The following EYS variants were observed in gnomAD, a reference collection of about 807,000 sequenced individuals.
The protein encoded by EYS is EGF-like photoreceptor maintenance factor.
In EYS, 250 loss-of-function variants were observed where a neutral mutation model predicts 282.1. That is an observed-to-expected ratio of 0.89 (90% CI 0.80 to 0.98). The LOEUF is 0.98. EYS is among the 50% of genes least tolerant of loss of function. The pLI, the probability that EYS is intolerant of heterozygous loss-of-function variation, is 0.00. For missense variants in EYS, 4,016 were observed against 3,709.0 expected (o/e 1.08, Z -2.15); for synonymous variants, 1,355 against 1,282.9 (o/e 1.06, Z -1.20).
At chr6:64,400,839 A>G (rs1035697944) in intron 28 of EYS, among the ~76,000 whole-genome samples, 1 of 152,092 alleles carries the variant, frequency 6.6e-6, no homozygotes, top group African/African-American at 2.4e-5. Context: ...TGTTTGAACT[A>G]CCTTTAATTG....
At chr6:64,617,281 T>A in intron 24 of EYS, 137 bp downstream of exon 24, 1 of 627,080 alleles carries the variant, frequency 1.6e-6, no homozygotes, top group South Asian at 1.9e-5. Context: ...GAGAAAAGTG[T>A]AGCGTGCACA....
intron 29 of EYS, among the ~76,000 whole-genome samples, chr6:64,311,770 CAGG>C (rs1381688564): frequency 1.3e-5 from 2 of 152,076 alleles, no homozygotes; most frequent in African/African-American, 2.4e-5. Flanking sequence ...CACAAGTGGT[CAGG>C]AGATTTCCCT....
chr6:64,745,699 CT>C (rs1256536888), intron 22 of EYS, among the ~76,000 whole-genome samples: 1 of 152,074 alleles, frequency 6.6e-6, no homozygotes, highest in Non-Finnish European at 1.5e-5. Context: ...AATGGTACCC[CT>C]ATGTCCAAAA....
At chr6:65,528,787 C>T (rs1767661491) in intron 2 of EYS, among the ~76,000 whole-genome samples, 2 of 152,190 alleles carry the variant, frequency 1.3e-5, no homozygotes, top group Admixed American at 1.3e-4. Context: ...AGAGAAGTCA[C>T]TCATTATTCC....
At chr6:65,648,506 G>A (rs966683809) in intron 1 of EYS, among the ~76,000 whole-genome samples, 1 of 152,132 alleles carries the variant, frequency 6.6e-6, no homozygotes, top group African/African-American at 2.4e-5. Context: ...ACAGAGCTAT[G>A]AGGACACAAA....
intron 11 of EYS, among the ~76,000 whole-genome samples, chr6:65,298,217 ATT>A (rs1768719542): frequency 6.6e-6 from 1 of 152,074 alleles, no homozygotes; most frequent in Non-Finnish European, 1.5e-5. Flanking sequence ...CATTGAGAAT[ATT>A]TTTGAAAATT....
rs1769278427 is a variant in EYS at position 65,692,442 on chromosome 6, A to G, written c.-448+14693T>C. Among the ~76,000 whole-genome samples the G allele has an allele frequency of 2.7e-5, 4 of 150,286 alleles. No individual in the cohort carries two copies. In the South Asian group the frequency reaches 8.5e-4, roughly 32 times the overall value. ...AAAGAAGCAGAATATGAAAAAATTG[A>G]CATAATTCATAGAAAACACTAAATA... is the stretch of plus-strand genomic sequence containing the variant. On this transcript the variant is annotated intron_variant, in intron 1 of 42. Transcript: ENST00000503581.
At chr6:65,318,386 C>T (rs1213483511) in intron 11 of EYS, among the ~76,000 whole-genome samples, 4 of 151,008 alleles carry the variant, frequency 2.6e-5, no homozygotes, top group Non-Finnish European at 5.9e-5. Context: ...CTTACCATCA[C>T]TTCCACATCT....
intron 12 of EYS, among the ~76,000 whole-genome samples, chr6:65,070,508 A>G (rs535359194): frequency 1.2e-3 from 184 of 151,716 alleles, no homozygotes; most frequent in African/African-American, 4.3e-3. Flanking sequence ...TCTTACATCT[A>G]GAGTTTTGTA....
At chr6:64,022,125 C>T (rs1350722446) in intron 33 of EYS, among the ~76,000 whole-genome samples, 1 of 152,142 alleles carries the variant, frequency 6.6e-6, no homozygotes, top group East Asian at 1.9e-4. Flanking sequence ...CAAATAAGCA[C>T]ATTTGTGCTT....
chr6:64,498,683 C>T (rs949478646), intron 26 of EYS, among the ~76,000 whole-genome samples: 8 of 151,212 alleles, frequency 5.3e-5, no homozygotes, highest in Non-Finnish European at 8.8e-5. Context: ...TCCATGTGTT[C>T]TCATTGTTCA....
chr6:63,949,911 C>G (rs1022617246), intron 35 of EYS, among the ~76,000 whole-genome samples: 3 of 152,130 alleles, frequency 2.0e-5, no homozygotes, highest in Non-Finnish European at 2.9e-5. Context: ...CGGTGTCTCA[C>G]GCCTGTAATC....
chr6:63,933,365 C>T (rs1051606503), intron 35 of EYS, among the ~76,000 whole-genome samples: 7 of 152,232 alleles, frequency 4.6e-5, no homozygotes, highest in South Asian at 2.1e-4. Context: ...CACCATCACA[C>T]GCGGCTAATT....
intron 26 of EYS, among the ~76,000 whole-genome samples, chr6:64,545,602 G>T (rs559949714): frequency 1.2e-4 from 18 of 152,300 alleles, no homozygotes; most frequent in Admixed American, 5.9e-4. Context: ...CAGATGACAT[G>T]ACTGTATATC....
intron 26 of EYS, among the ~76,000 whole-genome samples, chr6:64,511,220 C>A (rs1184659351): frequency 7.9e-6 from 1 of 126,432 alleles, no homozygotes; most frequent in Non-Finnish European, 1.6e-5. Context: ...ACAACTCTCT[C>A]TCTACATATA....
chr6:64,289,426 G>A (rs1182958541), intron 30 of EYS, among the ~76,000 whole-genome samples: 2 of 151,996 alleles, frequency 1.3e-5, no homozygotes, highest in Non-Finnish European at 1.5e-5. Flanking sequence ...CATACTCAAT[G>A]GATACGATAT....
intron 30 of EYS, among the ~76,000 whole-genome samples, chr6:64,275,473 G>A (rs1296020186): frequency 4.4e-5 from 6 of 135,054 alleles, no homozygotes; most frequent in African/African-American, 8.5e-5. Flanking sequence ...TTCTTGAGAC[G>A]GAGTCTCGCT....
rs189442992 is a variant in EYS, at chr6:65,653,848, C to T, written c.-447-13956G>A. Among the ~76,000 whole-genome samples, 213 of 152,020 alleles carry T rather than the reference C, an allele frequency of 1.4e-3. 1 individual carries two copies. The highest frequency in any genetic ancestry group is 2.2e-3 in the Non-Finnish European group (148 of 67,870). On this transcript the variant is annotated intron_variant, in intron 1 of 42. Coordinates refer to ENST00000503581, the MANE Select transcript of EYS (RefSeq NM_001142800.2). ...ATTGGCAAAGTCCAAGTGTCCTCTA[C>T]ATCTCACATCCTTTGTGTCATCTAT...
chr6:64,133,931 G>C (rs984822322), intron 31 of EYS, among the ~76,000 whole-genome samples: 1 of 151,704 alleles, frequency 6.6e-6, no homozygotes, highest in African/African-American at 2.4e-5. Flanking sequence ...ATATACGAAT[G>C]CTAAGGGAAG....
Sources: gnomAD v4.1 joint callset for allele counts (sites outside exome capture counted in the v4.1 genomes callset) on GRCh38, gnomAD v4.1.1 for gene constraint, MANE v1.5 for transcripts, NCBI Gene and HGNC (gene_info 2026-07-23, HGNC 2026-07-21) for gene names.